TATDN1: variants seen among roughly 807,000 people sequenced by gnomAD.
TATDN1 encodes TatD DNase domain containing 1, also known as deoxyribonuclease TATDN1.
A neutral mutation model predicts 46.4 loss-of-function variants in TATDN1; 40 were observed. That is an observed-to-expected ratio of 0.86 (90% CI 0.67 to 1.12). The LOEUF (loss-of-function observed/expected upper bound fraction) is 1.12, where lower values mean the gene tolerates loss of function less well. TATDN1 is among the 50% of genes most tolerant of loss of function. The pLI, the probability that TATDN1 is intolerant of heterozygous loss-of-function variation, is 0.00. For missense variants in TATDN1, 326 were observed against 348.4 expected (o/e 0.94, Z 0.51); for synonymous variants, 95 against 105.6 (o/e 0.90, Z 0.62).
At chr8:124,490,523 AAAG>A (rs1167766244) in intron 11 of TATDN1, among the ~76,000 whole-genome samples, 4 of 152,212 alleles carry the variant, frequency 2.6e-5, no homozygotes, top group Non-Finnish European at 5.9e-5. Flanking sequence ...AAAAAAGAAA[AAAG>A]AAAAAAAAAT....
At chr8:124,529,669 T>C (rs1183078082) in intron 1 of TATDN1, among the ~76,000 whole-genome samples, 2 of 152,244 alleles carry the variant, frequency 1.3e-5, no homozygotes, top group African/African-American at 2.4e-5. Context: ...GCCATTTCTC[T>C]TGCAAGCTTT....
intron 2 of TATDN1, 77 bp downstream of exon 2, chr8:124,522,860 T>G (rs1820169651): frequency 3.2e-6 from 4 of 1,244,822 alleles, no homozygotes; most frequent in Admixed American, 1.7e-5. Context: ...CAGCTTGAAT[T>G]ATGCTTTTCA....
intron 1 of TATDN1, among the ~76,000 whole-genome samples, chr8:124,528,363 C>A (rs1169810481): frequency 6.6e-6 from 1 of 151,958 alleles, no homozygotes; most frequent in Non-Finnish European, 1.5e-5. Context: ...TTAGTAGAGA[C>A]GGGGTTTCAC....
intron 5 of TATDN1, 25 bp downstream of exon 5, chr8:124,515,862 T>C (rs1052357880): frequency 6.2e-7 from 1 of 1,613,830 alleles, no homozygotes; most frequent in African/African-American, 1.3e-5. Flanking sequence ...ACAATGTCAC[T>C]CTAAGAGGCG....
intron 3 of TATDN1, among the ~76,000 whole-genome samples, chr8:124,520,438 GAAAAAAA>G (rs371891058): frequency 8.8e-6 from 1 of 113,992 alleles, no homozygotes; most frequent in Non-Finnish European, 1.9e-5. Flanking sequence ...CTCGCCTCCA[GAAAAAAA>G]AAAAAAGACT....
At chr8:124,522,356 A>G (rs1394801974) in intron 2 of TATDN1, among the ~76,000 whole-genome samples, 156 bp from the exon 3 acceptor site, 1 of 152,212 alleles carries the variant, frequency 6.6e-6, no homozygotes, top group Non-Finnish European at 1.5e-5. Flanking sequence ...ATAAATGTTC[A>G]TGATCATGGT....
In TATDN1 at chr8:124,538,847, C is replaced by G. The variant is rs982621555; in HGVS notation, c.22+178G>C. The G allele has an allele frequency of 5.9e-6, 4 of 678,538 alleles. No homozygotes were observed. The East Asian group carries it at 1.1e-4, about 19-fold the overall frequency. 42.0% of individuals were successfully genotyped at this position (678,538 alleles called of 1,614,324 possible). On this transcript the variant is annotated intron_variant, in intron 1 of 11. Coordinates refer to ENST00000276692, the MANE Select transcript of TATDN1 (RefSeq NM_032026.4). ...AAATACACCCTCGTGAATCCAGAACCTAGATCAAGAACCAGAGCATTACCA... is the reference window on the plus strand; with the variant it reads ...AAATACACCCTCGTGAATCCAGAACGTAGATCAAGAACCAGAGCATTACCA...
At chr8:124,501,910 C>T (rs535610665) in intron 9 of TATDN1, among the ~76,000 whole-genome samples, 7 of 152,268 alleles carry the variant, frequency 4.6e-5, no homozygotes, top group African/African-American at 1.4e-4. Flanking sequence ...GAGAAGAAAA[C>T]TAGGTCACAG....
At chr8:124,523,808 T>C (rs1053480747) in intron 1 of TATDN1, among the ~76,000 whole-genome samples, 2 of 151,752 alleles carry the variant, frequency 1.3e-5, no homozygotes, top group Admixed American at 6.6e-5. Flanking sequence ...GGGAAGACAG[T>C]GTAAGGAAGG....
chr8:124,527,682 T>G (rs983484620), intron 1 of TATDN1, among the ~76,000 whole-genome samples: 2 of 151,894 alleles, frequency 1.3e-5, no homozygotes, highest in Non-Finnish European at 2.9e-5. Flanking sequence ...GGGGGGTGCT[T>G]AGAAATTTAC....
At chr8:124,507,147 C>T (rs527666301) in intron 8 of TATDN1, among the ~76,000 whole-genome samples, 4 of 149,674 alleles carry the variant, frequency 2.7e-5, no homozygotes, top group African/African-American at 9.9e-5. Flanking sequence ...GGTGACAGAG[C>T]GAGACTCCAT....
intron 3 of TATDN1, among the ~76,000 whole-genome samples, chr8:124,520,915 T>C (rs1332664193): frequency 5.1e-5 from 7 of 137,074 alleles, no homozygotes; most frequent in Non-Finnish European, 4.6e-5. Context: ...TGCACTCCAG[T>C]CTGGGTGACA....
chr8:124,525,143 CTTTTT>C (rs1284965014), intron 1 of TATDN1, among the ~76,000 whole-genome samples: 3 of 151,822 alleles, frequency 2.0e-5, no homozygotes, highest in African/African-American at 7.3e-5. Flanking sequence ...TCATCCTAAT[CTTTTT>C]TTTATTTTTC....
intron 6 of TATDN1, among the ~76,000 whole-genome samples, chr8:124,513,374 T>C (rs540821205): frequency 6.6e-6 from 1 of 152,332 alleles, no homozygotes; most frequent in East Asian, 1.9e-4. Context: ...CCCCAGAAAG[T>C]CAGTCCTTCC....
In TATDN1 at chr8:124,535,425, G is replaced by A. The variant is rs138745236; in HGVS notation, c.22+3600C>T. On this transcript the variant is annotated intron_variant, in intron 1 of 11. Coordinates refer to ENST00000276692, the MANE Select transcript of TATDN1 (RefSeq NM_032026.4). ...TCTGCACTTGATTCAAAAATTTAAGGAACAACCAAATGTGTGGCTCTAAAT... is the reference window on the plus strand; with the variant it reads ...TCTGCACTTGATTCAAAAATTTAAGAAACAACCAAATGTGTGGCTCTAAAT... Among the ~76,000 whole-genome samples the A allele has an allele frequency of 5.1e-3, 769 of 152,250 alleles. 2 individuals carry two copies. The highest frequency in any genetic ancestry group is 7.4e-3 in the Non-Finnish European group (505 of 68,006).
intron 3 of TATDN1, chr8:124,521,906 T>A (rs543614202): frequency 1.5e-5 from 5 of 327,236 alleles, no homozygotes; most frequent in Admixed American, 9.9e-5. Context: ...GTTTAAAAAA[T>A]TTTTTTTCAA....
At chr8:124,519,954 CA>C (rs1819882498) in intron 3 of TATDN1, among the ~76,000 whole-genome samples, 1 of 152,172 alleles carries the variant, frequency 6.6e-6, no homozygotes, top group Non-Finnish European at 1.5e-5. Context: ...TTTTGTAAAG[CA>C]TACTTCAAAA....
rs1268657753 is a variant in TATDN1 at position 124,493,938 on chromosome 8, T to C, written c.686A>G (p.Lys229Arg). 2.5e-6 allele frequency: 4 copies of C among 1,611,774 alleles called. No homozygotes were observed. Among genetic ancestry groups the C allele is most frequent in the Non-Finnish European group, 2.5e-6 (3 of 1,179,508 alleles). Residue 229 changes from lysine (K) to arginine (R), a missense_variant, in exon 11 of 12, where the codon AAA becomes AGA. Physicochemically the swap from Lys to Arg is conservative, Grantham distance 26. Transcript: ENST00000276692. ...ATATTTTGATCCAGCATGTGTACTT[T>C]TGACTCCACACCAAGGTGCATCTAG... ...IETDAPWCGV[K>R]STHAGSKYIR...
rs1416621371 is a variant in TATDN1, at chr8:124,522,145, T to G, written c.138+6A>C. 1 of 1,571,396 alleles carries G rather than the reference T, an allele frequency of 6.4e-7. No homozygotes were observed. The highest frequency in any genetic ancestry group is 1.4e-5 in the African/African-American group (1 of 73,272). The stretch of plus-strand genomic sequence containing the variant: ...AAAATCTCAAAAATAACAAAATGGA[T>G]GTTACCTTTTTAACACCAATCTCGA... On this transcript the variant is annotated splice_donor_region_variant and intron_variant, in intron 3 of 11. Transcript: ENST00000276692.
Sources: allele counts gnomAD v4.1 joint callset (sites outside exome capture counted in the v4.1 genomes callset), GRCh38; gene constraint gnomAD v4.1.1; transcripts MANE v1.5; gene names NCBI Gene and HGNC (gene_info 2026-07-23, HGNC 2026-07-21).